PIK3AP1: variants seen among roughly 807,000 people sequenced by gnomAD.
PIK3AP1 encodes the protein phosphoinositide 3-kinase adapter protein 1.
A neutral mutation model predicts 88.1 loss-of-function variants in PIK3AP1; 21 were observed. The observed-to-expected ratio is 0.24, with a 90% CI of 0.17 to 0.34. The LOEUF is 0.34. Among genes scored for constraint, PIK3AP1 ranks in the 10% least tolerant of loss-of-function variants. PIK3AP1 has a pLI of 1.00. For synonymous variants in PIK3AP1, 398 were observed against 400.0 expected (o/e 1.00, Z 0.06); for missense variants, 828 against 1,035.7 (o/e 0.80, Z 2.75).
chr10:96,626,996 T>C, intron 9 of PIK3AP1, 91 bp from the exon 10 acceptor site: 1 of 1,246,090 alleles, frequency 8.0e-7, no homozygotes, highest in Non-Finnish European at 1.2e-6. Flanking sequence ...CTTACTTTGT[T>C]TCCTCAGTGC....
intron 16 of PIK3AP1, among the ~76,000 whole-genome samples, chr10:96,600,272 T>C (rs1848865500): frequency 1.3e-5 from 2 of 152,234 alleles, no homozygotes; most frequent in African/African-American, 4.8e-5. Flanking sequence ...CGTCTTAGGA[T>C]TGTGGAGAGA....
chr10:96,659,964 T>C (rs766795266), intron 2 of PIK3AP1, among the ~76,000 whole-genome samples: 42 of 152,234 alleles, frequency 2.8e-4, no homozygotes, highest in Non-Finnish European at 3.8e-4. Context: ...ATATAGGTAT[T>C]ACGTCTTCTA....
intron 7 of PIK3AP1, among the ~76,000 whole-genome samples, chr10:96,648,256 G>A (rs983039051): frequency 3.3e-5 from 5 of 152,126 alleles, no homozygotes; most frequent in Admixed American, 3.3e-4. Context: ...GTGAGGAGGT[G>A]GGGGGAGATG....
At chr10:96,609,950 C>A (rs1849080149) in intron 13 of PIK3AP1, 83 bp from the exon 14 acceptor site, 1 of 1,493,112 alleles carries the variant, frequency 6.7e-7, no homozygotes, top group Admixed American at 1.8e-5. Context: ...CCTCCACCTG[C>A]CTCTCTCACA....
chr10:96,715,032 G>GAA (rs34130100), intron 1 of PIK3AP1, among the ~76,000 whole-genome samples: 2,201 of 148,958 alleles, frequency 0.015, 34 homozygotes, highest in African/African-American at 0.039. Context: ...TGGAAAGGGA[G>GAA]AAAAAAAAAA....
At chr10:96,668,004 T>C (rs1438505818) in intron 2 of PIK3AP1, among the ~76,000 whole-genome samples, 1 of 152,236 alleles carries the variant, frequency 6.6e-6, no homozygotes, top group African/African-American at 2.4e-5. Flanking sequence ...GGTTTTTTCA[T>C]GTAGAGTGGC....
chr10:96,628,758 G>T (rs1331402901), intron 8 of PIK3AP1, among the ~76,000 whole-genome samples: 2 of 151,140 alleles, frequency 1.3e-5, no homozygotes, highest in Non-Finnish European at 2.9e-5. Context: ...GAAAGAATGG[G>T]TTCAATTTTG....
chr10:96,662,647 G>A (rs1172453983), intron 2 of PIK3AP1, among the ~76,000 whole-genome samples: 1 of 151,032 alleles, frequency 6.6e-6, no homozygotes, highest in African/African-American at 2.4e-5. Context: ...TTGGGAGGCC[G>A]AGGCGGGTGG....
intron 2 of PIK3AP1, among the ~76,000 whole-genome samples, chr10:96,668,911 C>G (rs529909285): frequency 2.0e-5 from 3 of 152,282 alleles, no homozygotes. Flanking sequence ...AGGCAGATCA[C>G]TTGAGGTCAG....
chr10:96,708,831 C>T (rs1052335106), intron 2 of PIK3AP1, among the ~76,000 whole-genome samples: 1 of 151,526 alleles, frequency 6.6e-6, no homozygotes, highest in East Asian at 2.0e-4. Context: ...AACATGTTAT[C>T]GAAAAAAACA....
chr10:96,629,345 AG>A (rs1376007751), intron 8 of PIK3AP1, among the ~76,000 whole-genome samples: 1 of 152,110 alleles, frequency 6.6e-6, no homozygotes, highest in Non-Finnish European at 1.5e-5. Context: ...TTACCTATGG[AG>A]AGGGAGAGAG....
chr10:96,611,197 C>T (rs1849102738), intron 13 of PIK3AP1, among the ~76,000 whole-genome samples: 1 of 152,202 alleles, frequency 6.6e-6, no homozygotes, highest in Non-Finnish European at 1.5e-5. Context: ...TGCACAGGCA[C>T]CAGCCTTCCT....
intron 9 of PIK3AP1, among the ~76,000 whole-genome samples, chr10:96,628,001 C>G (rs1843176625): frequency 6.6e-6 from 1 of 152,168 alleles, no homozygotes; most frequent in African/African-American, 2.4e-5. Context: ...TATTTGCCTC[C>G]TTCACCAGCA....
At chr10:96,675,808 AT>A (rs1466049169) in intron 2 of PIK3AP1, among the ~76,000 whole-genome samples, 1 of 152,212 alleles carries the variant, frequency 6.6e-6, no homozygotes, top group African/African-American at 2.4e-5. Context: ...GTTAATATTA[AT>A]AACAATAATA....
rs75105748 is a variant in PIK3AP1, at chr10:96,665,033, C to A, written c.431-8099G>T. On this transcript the variant is annotated intron_variant, in intron 2 of 16. Transcript: ENST00000339364. ...ACCACTTCCCGCTTTGAAGATAATA[C>A]CACCTTTGCTGTCCTGAGACTCGAA... is the stretch of plus-strand genomic sequence containing the variant. Among the ~76,000 whole-genome samples the A allele has an allele frequency of 9.1e-4, 138 of 152,280 alleles. 2 individuals are homozygous for A. In the East Asian group the frequency reaches 0.022, roughly 24 times the overall value.
chr10:96,651,425 T>C, intron 5 of PIK3AP1, 45 bp from the exon 6 acceptor site: 2 of 1,614,118 alleles, frequency 1.2e-6, no homozygotes, highest in African/African-American at 2.7e-5. Flanking sequence ...TCCAGCTCTC[T>C]TCCATCCCGC....
intron 7 of PIK3AP1, among the ~76,000 whole-genome samples, chr10:96,646,622 T>G (rs1270726644): frequency 6.6e-6 from 1 of 152,086 alleles, no homozygotes; most frequent in Non-Finnish European, 1.5e-5. Flanking sequence ...CTTGGCACAC[T>G]AGCCCCTGTT....
chr10:96,628,501 GA>G lies in PIK3AP1; in HGVS notation c.1376-9del. 1 of 1,597,170 alleles carries G rather than the reference GA, an allele frequency of 6.3e-7. No individual in the cohort carries two copies. The highest frequency in any genetic ancestry group is 8.6e-7 in the Non-Finnish European group (1 of 1,164,646). On this transcript the variant is annotated splice_polypyrimidine_tract_variant and intron_variant, in intron 8 of 16. Coordinates refer to ENST00000339364, the MANE Select transcript of PIK3AP1 (RefSeq NM_152309.3). ...CCTGAAGCATTTCAACATCTAGAAG[GA>G]AAAGGAGACTAAGAGTTATATATTG...
Position 96,701,352 on chromosome 10 carries a change from T to C in PIK3AP1, c.430+8215A>G, listed in dbSNP as rs1187757785. On this transcript the variant is annotated intron_variant, in intron 2 of 16. Coordinates refer to ENST00000339364, the MANE Select transcript of PIK3AP1 (RefSeq NM_152309.3). ...GAAGCAAGGCCAAGTGTAAGCTTTC[T>C]AGGCCCAAAGGCCCTGTGTTCCAAA... Among the ~76,000 whole-genome samples the C allele has an allele frequency of 2.0e-5, 3 of 152,344 alleles. No individual in the cohort carries two copies. The East Asian group carries it at 5.8e-4, about 29-fold the overall frequency.
Sources: allele counts gnomAD v4.1 joint callset (sites outside exome capture counted in the v4.1 genomes callset), GRCh38; gene constraint gnomAD v4.1.1; transcripts MANE v1.5; gene names NCBI Gene and HGNC (gene_info 2026-07-23, HGNC 2026-07-21).